NDUFAF6: variants seen among roughly 807,000 people sequenced by gnomAD.
NDUFAF6 encodes NADH dehydrogenase (ubiquinone) complex I, assembly factor 6.
NDUFAF6 carries 45 observed loss-of-function variants against 40.8 expected under a neutral mutation model. The ratio of observed to expected loss-of-function variants is 1.10; its 90% CI spans 0.87 to 1.42. NDUFAF6 has a LOEUF of 1.42. NDUFAF6 is among the 40% of genes most tolerant of loss of function. NDUFAF6 has a pLI of 0.00. For missense variants in NDUFAF6, 435 were observed against 418.5 expected, an observed-to-expected ratio of 1.04 and a Z score of -0.34; for synonymous variants, 185 against 155.9, an observed-to-expected ratio of 1.19 and a Z score of -1.39.
Position 95,052,198 on chromosome 8 carries a change from C to T in NDUFAF6, c.841C>T (p.Pro281Ser). ...GGCTAGGTCCTTTCACAAAACTGTT[C>T]CTGTGAAAGCATTTCCTGCTTTTCT... The part of the protein sequence containing the change: ...KHARSFHKTV[P>S]VKAFPAFLQT... The change falls in exon 8 of 9, where the codon CCT becomes TCT. Residue 281 changes from proline (P) to serine (S), a missense_variant. Physicochemically the swap from Pro to Ser is moderately conservative, Grantham distance 74 (BLOSUM62 -1). Transcript: ENST00000396124. 1 of 1,613,988 alleles carries T rather than the reference C, an allele frequency of 6.2e-7. No individual in the cohort carries two copies. The highest frequency in any genetic ancestry group is 1.1e-5 in the South Asian group (1 of 91,074).
At chr8:94,913,168 A>G (rs923419124) in intron 1 of NDUFAF6, among the ~76,000 whole-genome samples, 1 of 152,318 alleles carries the variant, frequency 6.6e-6, no homozygotes, top group Middle Eastern at 3.4e-3. Flanking sequence ...TGTACATCCT[A>G]GAGGAGAGTA....
At chr8:94,966,817 G>A (rs191605592) in intron 1 of NDUFAF6, among the ~76,000 whole-genome samples, 4 of 152,256 alleles carry the variant, frequency 2.6e-5, no homozygotes, top group Admixed American at 6.5e-5. Context: ...TTCAGGCAGC[G>A]GGAAAGCGGA....
At chr8:94,942,010 G>A (rs1821584081) in intron 1 of NDUFAF6, among the ~76,000 whole-genome samples, 2 of 150,572 alleles carry the variant, frequency 1.3e-5, no homozygotes, top group Admixed American at 6.6e-5. Context: ...AGTTATTCAG[G>A]CCAACACCCT....
chr8:95,089,350 G>A (rs1394959280), intron 2 of NDUFAF6, among the ~76,000 whole-genome samples: 1 of 152,050 alleles, frequency 6.6e-6, no homozygotes, highest in Non-Finnish European at 1.5e-5. Flanking sequence ...TGGGATTACA[G>A]GTGTGAGCCA....
chr8:95,098,119 T>C (rs1389431745), upstream of NDUFAF6, among the ~76,000 whole-genome samples: 3 of 152,216 alleles, frequency 2.0e-5, no homozygotes, highest in Non-Finnish European at 4.4e-5. Flanking sequence ...TTTCCAAAAG[T>C]GAATTTTCTT....
upstream of NDUFAF6, among the ~76,000 whole-genome samples, chr8:94,957,506 G>A (rs557635127): frequency 3.9e-5 from 6 of 152,266 alleles, no homozygotes; most frequent in South Asian, 2.1e-4. Flanking sequence ...ATAAGACAGC[G>A]TGGTAGCCTG....
chr8:94,913,743 G>T (rs1015066752), intron 1 of NDUFAF6, among the ~76,000 whole-genome samples: 2 of 152,212 alleles, frequency 1.3e-5, no homozygotes, highest in African/African-American at 4.8e-5. Flanking sequence ...AGGCTTCAGT[G>T]AGCTCCCATC....
downstream of NDUFAF6, among the ~76,000 whole-genome samples, chr8:95,079,859 C>T (rs538475005): frequency 1.3e-5 from 2 of 151,520 alleles, no homozygotes; most frequent in Non-Finnish European, 2.9e-5. Flanking sequence ...CCCACCACCA[C>T]GCCTGGCTAA....
chr8:94,994,252 C>T (rs1826319053), intron 2 of NDUFAF6, among the ~76,000 whole-genome samples: 2 of 152,008 alleles, frequency 1.3e-5, no homozygotes, highest in African/African-American at 4.8e-5. Context: ...GCCTTGAAAG[C>T]CATGTTAAAA....
downstream of NDUFAF6, among the ~76,000 whole-genome samples, chr8:95,080,474 G>A (rs1808801603): frequency 1.5e-5 from 2 of 134,870 alleles, no homozygotes; most frequent in African/African-American, 5.4e-5. Flanking sequence ...TTTTTGTAGT[G>A]TATTTTTGTA....
chr8:94,913,608 A>T (rs1401437973), intron 1 of NDUFAF6, among the ~76,000 whole-genome samples: 1 of 152,154 alleles, frequency 6.6e-6, no homozygotes, highest in Non-Finnish European at 1.5e-5. Flanking sequence ...ACTAGCCTGG[A>T]CAACATTGCA....
intron 2 of NDUFAF6, chr8:94,949,519 C>G (rs1333266140): frequency 2.0e-5 from 3 of 152,104 alleles, no homozygotes; most frequent in Admixed American, 2.0e-4. Flanking sequence ...ACCTGGCGCC[C>G]GGCCGGCGGC....
At chr8:94,899,838 C>G (rs1195569190) in intron 1 of NDUFAF6, among the ~76,000 whole-genome samples, 1 of 152,204 alleles carries the variant, frequency 6.6e-6, no homozygotes, top group African/African-American at 2.4e-5. Context: ...AGATGCCACT[C>G]CTTAAAACCT....
At chr8:95,036,203 A>G (rs530830234) in intron 3 of NDUFAF6, 238 of 972,474 alleles carry the variant, frequency 2.4e-4, no homozygotes, top group Non-Finnish European at 3.1e-4. Context: ...TCCCTCACTC[A>G]TAAGCAGCCA....
intron 1 of NDUFAF6, among the ~76,000 whole-genome samples, chr8:94,959,965 G>T (rs1409545838): frequency 6.6e-6 from 1 of 152,188 alleles, no homozygotes; most frequent in East Asian, 1.9e-4. Context: ...GTGGTTTTGT[G>T]ATTTTACTTC....
At chr8:95,077,935 G>C (rs929480513), downstream of NDUFAF6, among the ~76,000 whole-genome samples, 1 of 152,030 alleles carries the variant, frequency 6.6e-6, no homozygotes, top group East Asian at 1.9e-4. Context: ...CATGGTGAGG[G>C]ACCAGCCAAG....
intron 2 of NDUFAF6, among the ~76,000 whole-genome samples, chr8:95,004,464 C>CGTCAGCCTCCCAA (rs1826873021): frequency 6.6e-6 from 1 of 151,176 alleles, no homozygotes; most frequent in African/African-American, 2.4e-5. Flanking sequence ...AAGCCTCCCA[C>CGTCAGCCTCCCAA]GTCAGCCTCC....
intron 1 of NDUFAF6, among the ~76,000 whole-genome samples, chr8:95,029,366 T>G (rs985786556): frequency 6.8e-5 from 1 of 14,676 alleles, no homozygotes; most frequent in African/African-American, 3.2e-4. Flanking sequence ...TTTAGCAGAT[T>G]CCCTCATTTT....
chr8:94,998,296 C>T (rs1402673714), intron 2 of NDUFAF6, among the ~76,000 whole-genome samples: 1 of 151,950 alleles, frequency 6.6e-6, no homozygotes, highest in African/African-American at 2.4e-5. Flanking sequence ...AAATATTAGT[C>T]TCCCTTCTAT....
Sources: gnomAD v4.1 joint callset for allele counts (sites outside exome capture counted in the v4.1 genomes callset) on GRCh38, gnomAD v4.1.1 for gene constraint, MANE v1.5 for transcripts, NCBI Gene and HGNC (gene_info 2026-07-23, HGNC 2026-07-21) for gene names.